Variants in DLC1 observed in about 807,000 individuals in gnomAD.
DLC1 encodes the protein rho GTPase-activating protein 7.
In DLC1, 54 loss-of-function variants were observed where a neutral mutation model predicts 140.3. That is an observed-to-expected ratio of 0.38 (90% confidence interval 0.31 to 0.48). DLC1 has a LOEUF of 0.48. Among genes scored for constraint, DLC1 ranks in the 20% least tolerant of loss-of-function variants. DLC1 has a pLI of 0.96. For missense variants in DLC1, 2,536 were observed against 1,907.0 expected, an observed-to-expected ratio of 1.33 and a Z score of -6.14; for synonymous variants, 986 against 728.1, an observed-to-expected ratio of 1.35 and a Z score of -5.70.
intron 5 of DLC1, among the ~76,000 whole-genome samples, chr8:13,252,487 T>C: frequency 6.6e-6 from 1 of 152,162 alleles, no homozygotes; most frequent in Non-Finnish European, 1.5e-5. Context: ...TATGTTGCTG[T>C]TATAGGCTGT....
chr8:13,274,977 AAG>A lies in DLC1; in HGVS notation c.1348+30290_1348+30291del, dbSNP rs1469812461. 3.3e-5 allele frequency among the ~76,000 whole-genome samples: 5 copies of A among 152,232 alleles called. 1 individual carries two copies. The highest frequency in any genetic ancestry group is 6.5e-5 in the Admixed American group (1 of 15,286). On this transcript the variant is annotated intron_variant, in intron 5 of 17. Coordinates refer to ENST00000276297, the MANE Select transcript of DLC1 (RefSeq NM_182643.3). ...ATTGCAAATGAGATCATACACCTTA[AAG>A]AGTTAAATAAAAAATCATATTGGAA...
rs745461610 is a variant in DLC1 at position 13,088,630 on chromosome 8, C to A, written c.4149G>T (p.Lys1383Asn). ...EVPAVPEEILKRLLKEQHLWD... is the reference protein window; with the variant it reads ...EVPAVPEEILNRLLKEQHLWD... ...AGAGGTGCTGTTCTTTAAGTAGGCG[C>A]TTTAAGATTTCCTCTGGCACAGCAG... Residue 1383 changes from lysine to asparagine, a missense_variant, in exon 16 of 18, where the codon AAG (lysine) becomes AAT (asparagine). Lys to Asn is a moderately conservative substitution (Grantham distance 94). Coordinates refer to ENST00000276297, the MANE Select transcript of DLC1 (RefSeq NM_182643.3). The A allele has an allele frequency of 1.2e-6, 2 of 1,614,158 alleles. No homozygotes were observed. The highest frequency in any genetic ancestry group is 1.7e-6 in the Non-Finnish European group (2 of 1,180,036).
At chr8:13,191,603 G>C (rs1208280829) in intron 5 of DLC1, among the ~76,000 whole-genome samples, 2 of 152,300 alleles carry the variant, frequency 1.3e-5, no homozygotes, top group African/African-American at 2.4e-5. Context: ...CCGAGAATTT[G>C]ATCATGGGAG....
intron 1 of DLC1, among the ~76,000 whole-genome samples, chr8:13,602,708 AT>A (rs1387263004): frequency 6.6e-6 from 1 of 151,848 alleles, no homozygotes; most frequent in African/African-American, 2.4e-5. Context: ...TGACAAGATA[AT>A]TTTTCCCCAG....
upstream of DLC1, among the ~76,000 whole-genome samples, chr8:13,518,028 G>A (rs1802645927): frequency 1.3e-5 from 2 of 152,148 alleles, no homozygotes; most frequent in South Asian, 4.1e-4. Flanking sequence ...TATAGTGGTG[G>A]AACAATTATG....
At chr8:13,153,392 G>C (rs1382577198) in intron 5 of DLC1, among the ~76,000 whole-genome samples, 1 of 152,218 alleles carries the variant, frequency 6.6e-6, no homozygotes, top group Non-Finnish European at 1.5e-5. Context: ...AACCTTCACA[G>C]TGACTGTTAC....
intron 2 of DLC1, among the ~76,000 whole-genome samples, chr8:13,475,217 A>C (rs535661501): frequency 7.9e-5 from 12 of 152,324 alleles, no homozygotes; most frequent in African/African-American, 2.9e-4. Context: ...GTCATGCCTC[A>C]AACGTTTATA....
At chr8:13,428,139 G>T (rs1838682367) in intron 2 of DLC1, among the ~76,000 whole-genome samples, 1 of 152,120 alleles carries the variant, frequency 6.6e-6, no homozygotes, top group African/African-American at 2.4e-5. Context: ...GGCGTGTGTT[G>T]TACTAGTGTA....
At chr8:13,123,499 A>C (rs1965818) in intron 5 of DLC1, among the ~76,000 whole-genome samples, 81,667 of 150,172 alleles carry the variant, frequency 0.54, 23,402 homozygotes, top group African/African-American at 0.73. Context: ...CGCCACCACA[A>C]TGAGCTAATT....
intron 5 of DLC1, among the ~76,000 whole-genome samples, chr8:13,240,492 C>A (rs1449225466): frequency 6.6e-6 from 1 of 152,326 alleles, no homozygotes; most frequent in African/African-American, 2.4e-5. Context: ...ATGATCACAG[C>A]TCAGCTCACT....
intron 2 of DLC1, among the ~76,000 whole-genome samples, chr8:13,492,641 A>G (rs1447449720): frequency 1.3e-5 from 2 of 151,982 alleles, no homozygotes; most frequent in African/African-American, 4.8e-5. Context: ...ATGCTTTGCA[A>G]TGGAATAAAG....
intron 2 of DLC1, among the ~76,000 whole-genome samples, chr8:13,425,737 C>T (rs1219664316): frequency 6.6e-6 from 1 of 152,100 alleles, no homozygotes; most frequent in Non-Finnish European, 1.5e-5. Context: ...AACCAACTTC[C>T]TCCTCCCCAC....
rs1392945074 is a variant in DLC1 at position 13,099,415 on chromosome 8, C to T, written c.2922G>A (p.Pro974=). 3.7e-6 allele frequency: 6 copies of T among 1,613,976 alleles called. No homozygotes were observed. The highest frequency in any genetic ancestry group is 5.1e-6 in the Non-Finnish European group (6 of 1,180,030). ...TTTCCGGGATCTCGGAGGGCTCTTCCGGTTCATTCAGGGAGTTGCCTGTGC... is the reference window on the plus strand; with the variant it reads ...TTTCCGGGATCTCGGAGGGCTCTTCTGGTTCATTCAGGGAGTTGCCTGTGC... ...LDSTGNSLNE[P]EEPSEIPERR... is the part of the protein sequence containing the mutation. Residue 974 remains proline (P), a synonymous_variant, in exon 9 of 18, where the codon CCG becomes CCA. Coordinates refer to ENST00000276297, the MANE Select transcript of DLC1 (RefSeq NM_182643.3).
intron 5 of DLC1, among the ~76,000 whole-genome samples, chr8:13,212,367 A>G (rs1410609974): frequency 6.6e-6 from 1 of 152,132 alleles, no homozygotes; most frequent in African/African-American, 2.4e-5. Flanking sequence ...TGTTTTTGGA[A>G]CAATCAGGAA....
intron 4 of DLC1, among the ~76,000 whole-genome samples, 180 bp downstream of exon 4, chr8:13,393,373 T>C (rs1402718093): frequency 6.6e-6 from 1 of 152,234 alleles, no homozygotes; most frequent in Non-Finnish European, 1.5e-5. Context: ...ACTTGTGTTA[T>C]CATTTATAAA....
chr8:13,148,654 G>A (rs1197512151), intron 5 of DLC1, among the ~76,000 whole-genome samples: 1 of 151,464 alleles, frequency 6.6e-6, no homozygotes, highest in Non-Finnish European at 1.5e-5. Context: ...GGCTTGAGAG[G>A]GTTGTTTTTG....
At chr8:13,531,223 A>G (rs1477130112) in intron 1 of DLC1, among the ~76,000 whole-genome samples, 1 of 152,222 alleles carries the variant, frequency 6.6e-6, no homozygotes, top group Admixed American at 6.5e-5. Flanking sequence ...CACCCAGTCT[A>G]TAATAATTTG....
At chr8:13,285,576 A>G (rs959029601) in intron 5 of DLC1, among the ~76,000 whole-genome samples, 2 of 152,208 alleles carry the variant, frequency 1.3e-5, no homozygotes, top group African/African-American at 4.8e-5. Context: ...CAACGTCATA[A>G]GTCATTAGGG....
intron 5 of DLC1, among the ~76,000 whole-genome samples, chr8:13,266,532 G>C (rs1006299420): frequency 6.6e-6 from 1 of 152,052 alleles, no homozygotes; most frequent in Non-Finnish European, 1.5e-5. Context: ...ATCATTTGAG[G>C]TCAGGAGTTC....
Sources: gnomAD v4.1 joint callset for allele counts (sites outside exome capture counted in the v4.1 genomes callset) on GRCh38, gnomAD v4.1.1 for gene constraint, MANE v1.5 for transcripts, NCBI Gene and HGNC (gene_info 2026-07-23, HGNC 2026-07-21) for gene names.